The following CYSTM1 variants were observed in gnomAD, a reference collection of about 807,000 sequenced individuals.
CYSTM1 encodes cysteine-rich transmembrane module-containing protein 1.
CYSTM1 carries 4 observed loss-of-function variants against 13.1 expected under a neutral mutation model. That is an observed-to-expected ratio of 0.31 (90% CI 0.15 to 0.70). The LOEUF (loss-of-function observed/expected upper bound fraction) is 0.70, where lower values mean the gene tolerates loss of function less well. Ranked by LOEUF, CYSTM1 falls within the 30% of genes least tolerant of loss-of-function variation. CYSTM1 has a pLI of 0.72. For synonymous variants in CYSTM1, 36 were observed against 42.7 expected (o/e 0.84, Z 0.62); for missense variants, 96 against 121.6 (o/e 0.79, Z 0.99).
chr5:140,234,969 A>AT (rs33916926), intron 2 of CYSTM1, among the ~76,000 whole-genome samples: 18 of 127,010 alleles, frequency 1.4e-4, no homozygotes, highest in African/African-American at 3.9e-4. Flanking sequence ...CTCATTCATA[A>AT]TTTTTTTTTT....
rs148405535 is a variant in CYSTM1 at position 140,219,145 on chromosome 5, C to T, written c.188-24160C>T. On this transcript the variant is annotated intron_variant, in intron 2 of 2. Coordinates refer to ENST00000261811, the MANE Select transcript of CYSTM1 (RefSeq NM_032412.4). This position sits in a 1 kb window ranked among gnomAD's most constrained non-coding sequence, Gnocchi z 4.1. ...TACAGTCGTACAAGCCAGGCCACCA[C>T]TTCTGTCTCCTTTTCTCTGCTGGTG... Among the ~76,000 whole-genome samples, 125 of 152,304 alleles carry T rather than the reference C, an allele frequency of 8.2e-4. No homozygotes were observed. The highest frequency in any genetic ancestry group is 2.8e-3 in the African/African-American group (117 of 41,578).
At chr5:140,231,444 G>A (rs953398525) in intron 2 of CYSTM1, among the ~76,000 whole-genome samples, 4 of 152,126 alleles carry the variant, frequency 2.6e-5, no homozygotes, top group Non-Finnish European at 5.9e-5. Flanking sequence ...TTCCGTAAAC[G>A]TAGCTCCAGA....
At chr5:140,202,634 C>T (rs1764246822) in intron 2 of CYSTM1, 1 of 152,178 alleles carries the variant, frequency 6.6e-6, no homozygotes, top group Admixed American at 6.5e-5. Flanking sequence ...CAATATGATC[C>T]ATCAACTTTC....
chr5:140,180,733 G>A (rs1016088383), intron 1 of CYSTM1, among the ~76,000 whole-genome samples: 1 of 152,190 alleles, frequency 6.6e-6, no homozygotes, highest in African/African-American at 2.4e-5. Flanking sequence ...CAAATGGTTT[G>A]AATCCAGTCT....
intron 2 of CYSTM1, among the ~76,000 whole-genome samples, chr5:140,242,569 G>A (rs531434129): frequency 2.0e-4 from 31 of 152,284 alleles, no homozygotes; most frequent in African/African-American, 6.7e-4. Context: ...AGCTAATGCC[G>A]CAAATCAGCT....
chr5:140,236,193 GA>G (rs1223553741), intron 2 of CYSTM1, among the ~76,000 whole-genome samples: 1 of 152,152 alleles, frequency 6.6e-6, no homozygotes, highest in East Asian at 1.9e-4. Flanking sequence ...ATTTAAGTCT[GA>G]CTTAAATTAT....
chr5:140,226,917 C>T (rs895414417), intron 2 of CYSTM1, among the ~76,000 whole-genome samples: 1 of 151,970 alleles, frequency 6.6e-6, no homozygotes, highest in Non-Finnish European at 1.5e-5. Context: ...GACAAGGGTC[C>T]TGGTGCTGCT....
chr5:140,232,626 C>A lies in CYSTM1; in HGVS notation c.188-10679C>A, dbSNP rs1764630468. On this transcript the variant is annotated intron_variant, in intron 2 of 2. Transcript: ENST00000261811. ...TGAGGAGGTGGACTTTTCTCCAGTTCTTGTTCTGTGAAGGAAATCAACAGA... is the reference window on the plus strand; with the variant it reads ...TGAGGAGGTGGACTTTTCTCCAGTTATTGTTCTGTGAAGGAAATCAACAGA... Among the ~76,000 whole-genome samples the A allele has an allele frequency of 2.0e-5, 3 of 152,232 alleles. No individual in the cohort carries two copies. In the South Asian group the frequency reaches 6.2e-4, roughly 32 times the overall value.
Position 140,194,620 on chromosome 5 carries a change from A to G in CYSTM1, c.155A>G (p.Gln52Arg). ...CAAGGATACCCACAGTACGGCTGGCAGGGTGGACCTCAGGAGCCTCCTAAA... is the reference window on the plus strand; with the variant it reads ...CAAGGATACCCACAGTACGGCTGGCGGGGTGGACCTCAGGAGCCTCCTAAA... ...PYQGYPQYGW[Q>R]GGPQEPPKTT... Residue 52 changes from glutamine to arginine, a missense_variant, in exon 2 of 3, where the codon CAG becomes CGG. Coordinates refer to ENST00000261811, the MANE Select transcript of CYSTM1 (RefSeq NM_032412.4). 1 of 1,613,324 alleles carries G rather than the reference A, an allele frequency of 6.2e-7. No individual in the cohort carries two copies. The highest frequency in any genetic ancestry group is 1.1e-5 in the South Asian group (1 of 91,014).
intron 2 of CYSTM1, among the ~76,000 whole-genome samples, chr5:140,215,102 G>A (rs141893455): frequency 7.4e-4 from 112 of 152,298 alleles, no homozygotes; most frequent in Non-Finnish European, 1.5e-3. Flanking sequence ...GAGAAGGAAC[G>A]TCTTGAAAAC....
At chr5:140,196,389 A>G (rs1026362420) in intron 2 of CYSTM1, among the ~76,000 whole-genome samples, 1 of 152,248 alleles carries the variant, frequency 6.6e-6, no homozygotes, top group Non-Finnish European at 1.5e-5. Flanking sequence ...AAAAGTAATA[A>G]CAGAATTGAT....
intron 1 of CYSTM1, among the ~76,000 whole-genome samples, chr5:140,182,569 T>G (rs1261859699): frequency 2.6e-5 from 4 of 151,890 alleles, no homozygotes; most frequent in Non-Finnish European, 5.9e-5. Context: ...GCCAGCGTGC[T>G]CTTAGAAAAC....
At chr5:140,207,378 C>T (rs1764311734) in intron 2 of CYSTM1, among the ~76,000 whole-genome samples, 1 of 152,192 alleles carries the variant, frequency 6.6e-6, no homozygotes, top group African/African-American at 2.4e-5. Context: ...TGATCCTCAG[C>T]TTGGAGGGAA....
At position 140,175,496 on chromosome 5, in the gene CYSTM1, C is replaced by T. The variant is rs1763869296; in HGVS notation, c.-21+211C>T. ...CAGCTGGATCCCTCCCGGCGCCCCG[C>T]GGCTACTCTGGGGCTCCTGGTCGCC... On this transcript the variant is annotated intron_variant, in intron 1 of 2. Coordinates refer to ENST00000261811, the MANE Select transcript of CYSTM1 (RefSeq NM_032412.4). This position sits in a 1 kb window ranked among gnomAD's most constrained non-coding sequence, Gnocchi z 4.9. Among the ~76,000 whole-genome samples the T allele has an allele frequency of 6.6e-6, 1 of 152,136 alleles. No individual in the cohort carries two copies. The highest frequency in any genetic ancestry group is 1.5e-5 in the Non-Finnish European group (1 of 68,026).
At chr5:140,186,704 T>C (rs946164377) in intron 1 of CYSTM1, among the ~76,000 whole-genome samples, 9 of 152,228 alleles carry the variant, frequency 5.9e-5, no homozygotes, top group Admixed American at 6.5e-5. Context: ...CCAGTAGTAC[T>C]GGGTTATAGT....
At chr5:140,234,098 T>G (rs1016771428) in intron 2 of CYSTM1, among the ~76,000 whole-genome samples, 1 of 152,374 alleles carries the variant, frequency 6.6e-6, no homozygotes, top group South Asian at 2.1e-4. Context: ...TTTTATGTTT[T>G]TCATTGAGAT....
intron 2 of CYSTM1, among the ~76,000 whole-genome samples, chr5:140,227,222 G>T (rs1764568364): frequency 6.6e-6 from 1 of 152,216 alleles, no homozygotes; most frequent in African/African-American, 2.4e-5. Context: ...AGAGGCTGGG[G>T]TTGATTTGGT....
chr5:140,199,736 C>T (rs1764204357), intron 2 of CYSTM1, among the ~76,000 whole-genome samples: 1 of 152,202 alleles, frequency 6.6e-6, no homozygotes, highest in Non-Finnish European at 1.5e-5. Context: ...TTCTGCCCAC[C>T]TTGGCCTCCC....
rs1764722108 is a variant in CYSTM1 at position 140,239,455 on chromosome 5, G to A, written c.188-3850G>A. On this transcript the variant is annotated intron_variant, in intron 2 of 2. Transcript: ENST00000261811. This position sits in a 1 kb window ranked among gnomAD's most constrained non-coding sequence, Gnocchi z 5.4. ...GGTGTGTCTGGTGGCCAAAGTGGCAGTGGGCACTGGTGGCCCTGGAGAAGA... is the reference window on the plus strand; with the variant it reads ...GGTGTGTCTGGTGGCCAAAGTGGCAATGGGCACTGGTGGCCCTGGAGAAGA... Among the ~76,000 whole-genome samples the A allele has an allele frequency of 6.6e-6, 1 of 152,220 alleles. No individual in the cohort carries two copies. Among genetic ancestry groups the A allele is most frequent in the Non-Finnish European group, 1.5e-5 (1 of 68,034 alleles).
Sources: gnomAD v4.1 joint callset for allele counts (sites outside exome capture counted in the v4.1 genomes callset) on GRCh38, gnomAD v4.1.1 for gene constraint, Gnocchi (gnomAD v3.1) non-coding constraint, MANE v1.5 for transcripts, NCBI Gene and HGNC (gene_info 2026-07-23, HGNC 2026-07-21) for gene names.